FARS2: variants seen among roughly 807,000 people sequenced by gnomAD.
FARS2 encodes phenylalanine--tRNA ligase, mitochondrial.
Under a neutral mutation model 46.4 loss-of-function variants are expected in FARS2, and 40 were observed. The ratio of observed to expected loss-of-function variants is 0.86; its 90% CI spans 0.67 to 1.12. FARS2 has a LOEUF of 1.12. Among genes scored for constraint, FARS2 ranks in the 50% most tolerant of loss-of-function variants. The pLI, the probability that FARS2 is intolerant of heterozygous loss-of-function variation, is 0.00. For missense variants in FARS2, 513 were observed against 567.9 expected (o/e 0.90, Z 0.98); for synonymous variants, 234 against 214.9 (o/e 1.09, Z -0.78).
chr6:5,640,938 T>C (rs1291194280), intron 6 of FARS2, among the ~76,000 whole-genome samples: 1 of 152,212 alleles, frequency 6.6e-6, no homozygotes, highest in Non-Finnish European at 1.5e-5. Flanking sequence ...ATCTTGGCCC[T>C]AATCAACTCC....
chr6:5,572,053 GACATGTTGTTTTCATGTTGA>G (rs1224277473), intron 5 of FARS2, among the ~76,000 whole-genome samples: 1 of 152,130 alleles, frequency 6.6e-6, no homozygotes, highest in Non-Finnish European at 1.5e-5. Context: ...TTCCTGTTTG[GACATGTTGTTTTCATGTTGA>G]ACATGCCTGT....
chr6:5,677,610 T>C (rs1359400301), intron 6 of FARS2, among the ~76,000 whole-genome samples: 1 of 152,222 alleles, frequency 6.6e-6, no homozygotes, highest in Non-Finnish European at 1.5e-5. Context: ...GAAATTATCC[T>C]GGCTTCAATG....
At chr6:5,253,430 T>C in the FARS2 span, among the ~76,000 whole-genome samples, 1 of 152,160 alleles carries the variant, frequency 6.6e-6, no homozygotes, top group East Asian at 1.9e-4. Context: ...ATTCTCAGTT[T>C]TTTTTTTTGC....
At chr6:5,674,469 C>A (rs760310854) in intron 6 of FARS2, among the ~76,000 whole-genome samples, 1 of 152,166 alleles carries the variant, frequency 6.6e-6, no homozygotes, top group Non-Finnish European at 1.5e-5. Flanking sequence ...CACTGGGAAT[C>A]GGAACCTTGG....
At chr6:5,336,013 C>T (rs114249287) in intron 1 of FARS2, among the ~76,000 whole-genome samples, 1,964 of 152,222 alleles carry the variant, frequency 0.013, 34 homozygotes, top group African/African-American at 0.044. Flanking sequence ...TCCCCACTTG[C>T]CCACTGTCTT....
chr6:5,274,146 A>AG (rs1373197499), intron 1 of FARS2, among the ~76,000 whole-genome samples: 1 of 152,200 alleles, frequency 6.6e-6, no homozygotes. Flanking sequence ...GACAAAGAGG[A>AG]GCTACTGTAA....
chr6:5,422,360 TTCTC>T (rs149247829), intron 3 of FARS2, among the ~76,000 whole-genome samples: 15 of 151,236 alleles, frequency 9.9e-5, no homozygotes, highest in East Asian at 1.9e-4. Flanking sequence ...GCCTGTTTGG[TTCTC>T]TCTCTCTCTC....
At chr6:5,308,384 G>A (rs1768868341) in intron 1 of FARS2, among the ~76,000 whole-genome samples, 3 of 152,210 alleles carry the variant, frequency 2.0e-5, no homozygotes. Context: ...AGAGGAAGCA[G>A]CAACTCCCGA....
intron 6 of FARS2, among the ~76,000 whole-genome samples, chr6:5,634,241 A>G (rs1248129551): frequency 6.6e-6 from 1 of 152,224 alleles, no homozygotes; most frequent in Non-Finnish European, 1.5e-5. Context: ...AATTTATAGG[A>G]CAGATAATTT....
At chr6:5,272,134 G>A (rs989236780) in intron 1 of FARS2, among the ~76,000 whole-genome samples, 2 of 152,114 alleles carry the variant, frequency 1.3e-5, no homozygotes, top group East Asian at 1.9e-4. Context: ...CTGCATACAC[G>A]CTACCTGCCC....
At chr6:5,268,861 T>G (rs1157943105) in intron 1 of FARS2, among the ~76,000 whole-genome samples, 1 of 152,166 alleles carries the variant, frequency 6.6e-6, no homozygotes, top group Non-Finnish European at 1.5e-5. Flanking sequence ...CATTTGTTTG[T>G]GTCCTCTTTT....
At chr6:5,610,092 T>C in intron 5 of FARS2, 1 of 955,698 alleles carries the variant, frequency 1.0e-6, no homozygotes, top group Non-Finnish European at 1.7e-6. Flanking sequence ...CATTCCCCAT[T>C]GCTCAGAATG....
upstream of FARS2, among the ~76,000 whole-genome samples, chr6:5,260,339 C>G (rs893681516): frequency 4.6e-5 from 7 of 152,210 alleles, no homozygotes; most frequent in Non-Finnish European, 1.0e-4. Flanking sequence ...ATTTCCATCC[C>G]TTTTTTCTCT....
At chr6:5,674,287 T>C (rs557143379) in intron 6 of FARS2, among the ~76,000 whole-genome samples, 1 of 151,600 alleles carries the variant, frequency 6.6e-6, no homozygotes, top group African/African-American at 2.4e-5. Flanking sequence ...ATTCACACCA[T>C]TTATTTTCTT....
rs938303929 is a variant in FARS2, at chr6:5,311,255, G to A, written c.-22+49595G>A. On this transcript the variant is annotated intron_variant, in intron 1 of 6. Transcript: ENST00000274680. This position sits in a 1 kb window ranked among gnomAD's most constrained non-coding sequence, Gnocchi z 4.1. ...AGATGTAGTACATGACCCTGTTTGT[G>A]TTAAGAATCAAAAGGAGTATGTTTT... Among the ~76,000 whole-genome samples, 1 of 152,180 alleles carries A rather than the reference G, an allele frequency of 6.6e-6. No individual in the cohort carries two copies. The highest frequency in any genetic ancestry group is 1.5e-5 in the Non-Finnish European group (1 of 68,018).
At position 5,749,771 on chromosome 6, in the gene FARS2, C is replaced by T. The variant is rs73364244; in HGVS notation, c.1218-21520C>T. 3.0e-3 allele frequency among the ~76,000 whole-genome samples: 451 copies of T among 152,312 alleles called. 1 individual carries two copies. The highest frequency in any genetic ancestry group is 9.4e-3 in the African/African-American group (391 of 41,572). ...TGCAGTCATTGGCAGGCTACCAGCC[C>T]GACTTCCTCCCCTGGGGAAGAAGGC... On this transcript the variant is annotated intron_variant, in intron 6 of 6. Coordinates refer to ENST00000274680, the MANE Select transcript of FARS2 (RefSeq NM_006567.5).
Position 5,691,093 on chromosome 6 carries a change from AT to A in FARS2, c.1217+77781del, listed in dbSNP as rs1052869401. On this transcript the variant is annotated intron_variant, in intron 6 of 6. Coordinates refer to ENST00000274680, the MANE Select transcript of FARS2 (RefSeq NM_006567.5). ...GTTATTCCAGTTAGCCATTCATCTAATTTTTTTTCAAGGTTTTTAGCTTATT... is the reference window on the plus strand; with the variant it reads ...GTTATTCCAGTTAGCCATTCATCTAATTTTTTTCAAGGTTTTTAGCTTATT... Among the ~76,000 whole-genome samples, 96 of 151,728 alleles carry A rather than the reference AT, an allele frequency of 6.3e-4. 6 individuals are homozygous for A. The highest frequency in any genetic ancestry group is 4.8e-5 in the African/African-American group (2 of 41,336).
At chr6:5,723,885 C>T (rs1760074382) in intron 6 of FARS2, among the ~76,000 whole-genome samples, 1 of 152,210 alleles carries the variant, frequency 6.6e-6, no homozygotes. Flanking sequence ...TAGAAGCGGC[C>T]ACAGCAGGCG....
chr6:5,674,773 A>G (rs1294330870), intron 6 of FARS2, among the ~76,000 whole-genome samples: 2 of 152,210 alleles, frequency 1.3e-5, no homozygotes, highest in Non-Finnish European at 2.9e-5. Flanking sequence ...TGGGAGCAGT[A>G]CTATTTTTGC....
Sources: gnomAD v4.1 joint callset for allele counts (sites outside exome capture counted in the v4.1 genomes callset) on GRCh38, gnomAD v4.1.1 for gene constraint, Gnocchi (gnomAD v3.1) non-coding constraint, MANE v1.5 for transcripts, NCBI Gene and HGNC (gene_info 2026-07-23, HGNC 2026-07-21) for gene names.